FOLR1: variants seen among roughly 807,000 people sequenced by gnomAD.
FOLR1 encodes the protein folate receptor alpha.
A neutral mutation model predicts 22.8 loss-of-function variants in FOLR1; 11 were observed. That is an observed-to-expected ratio of 0.48 (90% CI 0.30 to 0.80). FOLR1 has a LOEUF of 0.80. Ranked by LOEUF, FOLR1 falls within the 30% of genes least tolerant of loss-of-function variation. FOLR1 has a pLI of 0.06. For missense variants in FOLR1, 273 were observed against 320.3 expected (o/e 0.85, Z 1.13); for synonymous variants, 108 against 116.5 (o/e 0.93, Z 0.47).
Position 72,196,276 on chromosome 11 carries a change from A to G in FOLR1, c.*99A>G. ...CTCCATGGTCGGGCCTCTGACAGCCACTTTGAATAAACCAGACACCGCACA... is the reference window on the plus strand; with the variant it reads ...CTCCATGGTCGGGCCTCTGACAGCCGCTTTGAATAAACCAGACACCGCACA... On this transcript the variant is annotated 3_prime_UTR_variant, in exon 4 of 4. Transcript: ENST00000393676. 1 of 1,242,334 alleles carries G rather than the reference A, an allele frequency of 8.0e-7. No homozygotes were observed. The highest frequency in any genetic ancestry group is 1.2e-6 in the Non-Finnish European group (1 of 853,822). The allele number at this position is 1,242,334 out of a possible 1,614,324, so 77.0% of individuals were successfully genotyped here.
Position 72,192,231 on chromosome 11 carries a change from G to C in FOLR1, c.58G>C (p.Gly20Arg), listed in dbSNP as rs774539100. Reference protein sequence around the residue: ...LLLLVWVAVVGEAQTRIAWAR... With the variant: ...LLLLVWVAVVREAQTRIAWAR... ...CCTTCTAGTGTGGGTGGCTGTAGTAGGGGAGGCTCAGACAAGGATTGCATG... is the reference window on the plus strand; with the variant it reads ...CCTTCTAGTGTGGGTGGCTGTAGTACGGGAGGCTCAGACAAGGATTGCATG... Residue 20 changes from glycine to arginine, a missense_variant, in exon 1 of 4, where the codon GGG becomes CGG. Coordinates refer to ENST00000393676, the MANE Select transcript of FOLR1 (RefSeq NM_016729.3). 3.1e-6 allele frequency: 5 copies of C among 1,614,202 alleles called. No homozygotes were observed. The South Asian group carries it at 4.4e-5, about 14-fold the overall frequency.
Position 72,195,983 on chromosome 11 carries a change from A to G in FOLR1, c.580A>G (p.Thr194Ala). 2.5e-6 allele frequency: 4 copies of G among 1,613,880 alleles called. No individual in the cohort carries two copies. Among genetic ancestry groups the G allele is most frequent in the Non-Finnish European group, 3.4e-6 (4 of 1,179,936 alleles). The change falls in exon 4 of 4, where the codon ACT (threonine) becomes GCT (alanine). Residue 194 changes from threonine (T) to alanine (A), a missense_variant. Coordinates refer to ENST00000393676, the MANE Select transcript of FOLR1 (RefSeq NM_016729.3). ...CACTGTTCTGTGCAATGAAATCTGG[A>G]CTCACTCCTACAAGGTCAGCAACTA... Reference protein sequence around the residue: ...TPTVLCNEIWTHSYKVSNYSR... With the variant: ...TPTVLCNEIWAHSYKVSNYSR...
intron 1 of FOLR1, among the ~76,000 whole-genome samples, chr11:72,194,013 C>T (rs182966547): frequency 5.5e-4 from 84 of 152,022 alleles, no homozygotes; most frequent in African/African-American, 1.9e-3. Context: ...CCATTCTTGA[C>T]CTTAAGTGAT....
chr11:72,190,031 G>C (rs1433884448), upstream of FOLR1, among the ~76,000 whole-genome samples: 1 of 152,212 alleles, frequency 6.6e-6, no homozygotes, highest in Non-Finnish European at 1.5e-5. Flanking sequence ...GTTGGGTGTG[G>C]GGGTCATGAT....
At chr11:72,193,288 A>T (rs551238617) in intron 1 of FOLR1, among the ~76,000 whole-genome samples, 1 of 151,552 alleles carries the variant, frequency 6.6e-6, no homozygotes, top group Admixed American at 6.6e-5. Context: ...AGATCGTGCC[A>T]CTGCACTCCA....
Position 72,195,889 on chromosome 11 carries a change from C to T in FOLR1, c.494-8C>T, listed in dbSNP as rs1419000337. ...CCAGTGGCTAAAGGTCTTCCCTCCTCTCTACAGGGTTTAACAAGTGCGCAG... is the reference window on the plus strand; with the variant it reads ...CCAGTGGCTAAAGGTCTTCCCTCCTTTCTACAGGGTTTAACAAGTGCGCAG... On this transcript the variant is annotated splice_region_variant and splice_polypyrimidine_tract_variant and intron_variant, in intron 3 of 3. Transcript: ENST00000393676. The T allele has an allele frequency of 6.2e-7, 1 of 1,614,190 alleles. No individual in the cohort carries two copies. The highest frequency in any genetic ancestry group is 8.5e-7 in the Non-Finnish European group (1 of 1,180,042).
At position 72,195,261 on chromosome 11, in the gene FOLR1, C is replaced by T; in HGVS notation, c.169-10C>T. 6.2e-7 allele frequency: 1 copy of T among 1,613,712 alleles called. No individual in the cohort carries two copies. Among genetic ancestry groups the T allele is most frequent in the Non-Finnish European group, 8.5e-7 (1 of 1,179,842 alleles). ...GCTGTGGACTGAGTCCTCTGTCTTC[C>T]CCCATCCAGTGTCGACCCTGGAGGA... On this transcript the variant is annotated splice_polypyrimidine_tract_variant and intron_variant, in intron 1 of 3. Coordinates refer to ENST00000393676, the MANE Select transcript of FOLR1 (RefSeq NM_016729.3).
At position 72,195,631 on chromosome 11, in the gene FOLR1, A is replaced by G; in HGVS notation, c.377A>G (p.Lys126Arg). The change falls in exon 3 of 4, where the codon AAA (lysine) becomes AGA (arginine). Residue 126 changes from lysine (K) to arginine (R), a missense_variant. Transcript: ENST00000393676. The stretch of plus-strand genomic sequence containing the variant: ...ACCCAGGTGGATCAGAGCTGGCGCA[A>G]AGAGCGGGTACTGAACGTGCCCCTG... ...WIQQVDQSWR[K>R]ERVLNVPLCK... 1 of 1,614,236 alleles carries G rather than the reference A, an allele frequency of 6.2e-7. No individual in the cohort carries two copies. The highest frequency in any genetic ancestry group is 8.5e-7 in the Non-Finnish European group (1 of 1,180,048).
In FOLR1 at chr11:72,192,253, C is replaced by A; in HGVS notation, c.80C>A (p.Ala27Glu). 1 of 1,614,180 alleles carries A rather than the reference C, an allele frequency of 6.2e-7. No homozygotes were observed. Among genetic ancestry groups the A allele is most frequent in the Non-Finnish European group, 8.5e-7 (1 of 1,180,022 alleles). The change falls in exon 1 of 4, where the codon GCA (alanine) becomes GAA (glutamate). Residue 27 changes from alanine to glutamate, a missense_variant. Coordinates refer to ENST00000393676, the MANE Select transcript of FOLR1 (RefSeq NM_016729.3). ...AVVGEAQTRI[A>E]WARTELLNVC... ...GTAGGGGAGGCTCAGACAAGGATTGCATGGGCCAGGACTGAGCTTCTCAAT... is the reference window on the plus strand; with the variant it reads ...GTAGGGGAGGCTCAGACAAGGATTGAATGGGCCAGGACTGAGCTTCTCAAT...
chr11:72,193,779 A>T (rs1214067352), intron 1 of FOLR1, among the ~76,000 whole-genome samples: 2 of 146,694 alleles, frequency 1.4e-5, no homozygotes, highest in East Asian at 2.0e-4. Context: ...CATTTTATTT[A>T]TTTATTTATT....
chr11:72,191,406 A>G (rs1279307579), upstream of FOLR1, among the ~76,000 whole-genome samples: 3 of 150,836 alleles, frequency 2.0e-5, no homozygotes, highest in African/African-American at 7.3e-5. Flanking sequence ...TCTGTCACCC[A>G]GGCTAGAGTG....
intron 1 of FOLR1, among the ~76,000 whole-genome samples, chr11:72,193,361 A>G (rs1309703240): frequency 1.3e-5 from 2 of 148,802 alleles, no homozygotes. Context: ...AAAGAAAGGA[A>G]GGAAGGAAGG....
chr11:72,189,874 CTT>C (rs1420121403), upstream of FOLR1: 1 of 152,360 alleles, frequency 6.6e-6, no homozygotes, highest in African/African-American at 2.4e-5. Context: ...GCCAGAGAAT[CTT>C]GAAGTGGAGA....
At chr11:72,192,455 T>A in intron 1 of FOLR1, 114 bp downstream of exon 1, 2 of 1,115,670 alleles carry the variant, frequency 1.8e-6, no homozygotes, top group Non-Finnish European at 2.7e-6. Context: ...GCCCTTCAGT[T>A]TGCATTAATA....
intron 1 of FOLR1, 129 bp from the exon 2 acceptor site, chr11:72,195,142 G>C: frequency 1.1e-6 from 1 of 942,548 alleles, no homozygotes; most frequent in East Asian, 2.5e-5. Context: ...CCAATAGCAA[G>C]TATTTTCCTG....
chr11:72,191,129 C>G (rs1174413716), upstream of FOLR1, among the ~76,000 whole-genome samples: 1 of 152,186 alleles, frequency 6.6e-6, no homozygotes, highest in Non-Finnish European at 1.5e-5. Flanking sequence ...GAGAAGCCAG[C>G]TCTGTGGTAG....
chr11:72,192,026 TG>T, upstream of FOLR1: 2 of 823,940 alleles, frequency 2.4e-6, no homozygotes, highest in Non-Finnish European at 4.0e-6. Flanking sequence ...TCATTGGATC[TG>T]GGAAAACTGA....
In FOLR1 at chr11:72,195,585, C is replaced by T. The variant is rs765873354; in HGVS notation, c.358-27C>T. ...AGTTGCTGGGATTCTTGAACCTGAG[C>T]CCTTCTTTTGTATCAAAATCACCCA... On this transcript the variant is annotated intron_variant, in intron 2 of 3. Transcript: ENST00000393676. 1.9e-6 allele frequency: 3 copies of T among 1,614,012 alleles called. No individual in the cohort carries two copies. The African/African-American group carries it at 4.0e-5, about 22-fold the overall frequency.
chr11:72,194,498 C>T (rs1441414035), intron 1 of FOLR1, among the ~76,000 whole-genome samples: 1 of 152,198 alleles, frequency 6.6e-6, no homozygotes, highest in African/African-American at 2.4e-5. Flanking sequence ...CTGCCGGGTT[C>T]ACACCATTCT....
Sources: allele counts gnomAD v4.1 joint callset (sites outside exome capture counted in the v4.1 genomes callset), GRCh38; gene constraint gnomAD v4.1.1; transcripts MANE v1.5; gene names NCBI Gene and HGNC (gene_info 2026-07-23, HGNC 2026-07-21).